HLA-DQB1: variants seen among roughly 807,000 people sequenced by gnomAD.
The protein encoded by HLA-DQB1 is HLA class II histocompatibility antigen, DQ beta 1 chain.
Under a neutral mutation model 26.4 loss-of-function variants are expected in HLA-DQB1, and 13 were observed. The observed-to-expected ratio is 0.49, with a 90% CI of 0.32 to 0.78. The LOEUF (loss-of-function observed/expected upper bound fraction) is 0.78. Ranked by LOEUF, HLA-DQB1 falls within the 30% of genes least tolerant of loss-of-function variation. The probability of loss-of-function intolerance (pLI) is 0.03; values close to 1 mark genes in which losing one functional copy is unlikely to be tolerated. For synonymous variants in HLA-DQB1, 60 were observed against 129.1 expected, an observed-to-expected ratio of 0.46 and a Z score of 3.63; for missense variants, 158 against 326.2, an observed-to-expected ratio of 0.48 and a Z score of 3.97.
chr6:32,665,500 CG>C (rs763936292), intron 1 of HLA-DQB1, among the ~76,000 whole-genome samples: 54,402 of 129,626 alleles, frequency 0.42, 15,313 homozygotes, highest in Middle Eastern at 0.6. Context: ...AGCCTGGCCT[CG>C]TTCTGACACG....
At position 32,664,929 on chromosome 6, in the gene HLA-DQB1, G is replaced by T. The variant is rs200780973; in HGVS notation, c.248C>A (p.Thr83Lys). The T allele has an allele frequency of 1.3e-5, 17 of 1,316,196 alleles. 2 individuals carry two copies. In the South Asian group the frequency reaches 1.9e-4, roughly 14 times the overall value. 81.5% of individuals were successfully genotyped at this position (1,316,196 alleles called of 1,614,324 possible). A position where few individuals can be genotyped will look rare whatever the true frequency, so the allele number is the denominator to read the frequency against. The change falls in exon 2 of 5, where the codon ACG becomes AAG. Residue 83 changes from threonine to lysine, a missense_variant. By Grantham distance (78) the Thr-to-Lys change is moderately conservative. Coordinates refer to ENST00000434651, the Ensembl canonical transcript of HLA-DQB1. ...CTCGGCATCAGGCCGCCCCTGCGGC[G>T]TCACCGCGCGGTACACCCCCACGTC...
Position 32,664,453 on chromosome 6 carries a change from G to A in HLA-DQB1, c.379+345C>T. ...CGAGGCCGGCGGGCAGGGGAAGAGG[G>A]TGGGCACTGGGGGCAGAGAGAACTG... On this transcript the variant is annotated intron_variant, in intron 2 of 4. Transcript: ENST00000434651. 1.4e-5 allele frequency: 2 copies of A among 140,274 alleles called. 1 individual carries two copies. The highest frequency in any genetic ancestry group is 1.9e-4 in the South Asian group (2 of 10,720). 8.7% of individuals were successfully genotyped at this position (140,274 alleles called of 1,614,324 possible).
At chr6:32,665,215 C>G (rs281861929) in intron 1 of HLA-DQB1, 148 bp from the exon 2 acceptor site, 2 of 474,212 alleles carry the variant, frequency 4.2e-6, no homozygotes, top group Non-Finnish European at 3.5e-6. Flanking sequence ...GGGATCCTCC[C>G]GGCGGCTCTG....
chr6:32,661,838 A>G (rs9273858), intron 3 of HLA-DQB1, 129 bp downstream of exon 3: 2 of 765,664 alleles, frequency 2.6e-6, no homozygotes, highest in East Asian at 5.0e-5. Flanking sequence ...CCATGGAGCA[A>G]GAGGTGCTCT....
intron 4 of HLA-DQB1, among the ~76,000 whole-genome samples, chr6:32,661,140 C>G (rs9273553): frequency 0.019 from 2,147 of 114,808 alleles, 218 homozygotes; most frequent in African/African-American, 0.056. Flanking sequence ...GGTAAGGATG[C>G]CCTGGAATAA....
exon 5 of HLA-DQB1, chr6:32,660,002 G>T: frequency 3.3e-6 from 1 of 306,836 alleles, no homozygotes; most frequent in Non-Finnish European, 6.1e-6. Flanking sequence ...TGGGACCTGA[G>T]TAGACGCAGC....
intron 4 of HLA-DQB1, 97 bp downstream of exon 4, chr6:32,661,250 A>G (rs41270893): frequency 0.067 from 33,608 of 503,926 alleles, 3,444 homozygotes; most frequent in Middle Eastern, 0.13. Context: ...ACTTCTTCTC[A>G]GGGTCAGGAG....
In HLA-DQB1 at chr6:32,660,253, G is replaced by A. The variant is rs9273471; in HGVS notation, c.773-4C>T. ...CTCAGGAGTCAGTGCAGAAGCCCTG[G>A]AGAAGAGAGAAGAGCATTGATCAGC... On this transcript the variant is annotated splice_region_variant and splice_polypyrimidine_tract_variant and intron_variant, in intron 4 of 4. Transcript: ENST00000434651. 0.033 allele frequency: 31,921 copies of A among 972,872 alleles called. 5,204 individuals carry two copies. Among genetic ancestry groups the A allele is most frequent in the Admixed American group, 0.14 (4,365 of 30,116 alleles). The allele number at this position is 972,872 out of a possible 1,614,324, so 60.3% of individuals were successfully genotyped here. A position where few individuals can be genotyped will look rare whatever the true frequency, so the allele number is the denominator to read the frequency against.
chr6:32,660,969 AG>A, intron 4 of HLA-DQB1: 22 of 723,782 alleles, frequency 3.0e-5, no homozygotes, highest in South Asian at 4.7e-5. Flanking sequence ...CATGACTTAG[AG>A]TTACATTCTC....
At chr6:32,661,741 A>G (rs139676734) in intron 3 of HLA-DQB1, 13,812 of 475,024 alleles carry the variant, frequency 0.029, 2,024 homozygotes, top group East Asian at 0.21. Flanking sequence ...CAGAGCTATC[A>G]GGACTGGGAT....
chr6:32,666,575 T>C, exon 1 of HLA-DQB1: 1 of 1,188,152 alleles, frequency 8.4e-7, no homozygotes, highest in Non-Finnish European at 1.2e-6. Context: ...CCCGAAGGTC[T>C]CCGGGGATCC....
rs281862216 is a variant in HLA-DQB1 at position 32,664,632 on chromosome 6, G to A, written c.379+166C>T. 7.2e-5 allele frequency: 21 copies of A among 290,780 alleles called. 3 individuals carry two copies. The highest frequency in any genetic ancestry group is 6.9e-4 in the Admixed American group (10 of 14,394). The allele number at this position is 290,780 out of a possible 1,614,324, so 18.0% of individuals were successfully genotyped here. On this transcript the variant is annotated intron_variant, in intron 2 of 4. Coordinates refer to ENST00000434651, the Ensembl canonical transcript of HLA-DQB1. The stretch of plus-strand genomic sequence containing the variant: ...TCCCCCTGCTCTGCCCTAGGTCCCC[G>A]CCCCTCCGATGCACCTGCCCCCACC...
intron 1 of HLA-DQB1, 99 bp downstream of exon 1, chr6:32,666,400 T>G (rs281860934): frequency 2.2e-6 from 1 of 461,824 alleles, no homozygotes; most frequent in Non-Finnish European, 3.8e-6. Context: ...GATGAAAGAT[T>G]GTGTCCAAGA....
At chr6:32,661,908 G>C in intron 3 of HLA-DQB1, 59 bp downstream of exon 3, 1 of 1,138,290 alleles carries the variant, frequency 8.8e-7, no homozygotes, top group East Asian at 2.5e-5. Context: ...GAAGGAATGG[G>C]TCAGAAGGAG....
At chr6:32,660,199 G>C (rs1063345) in exon 5 of HLA-DQB1, 2 of 813,786 alleles carry the variant, frequency 2.5e-6, no homozygotes, top group Non-Finnish European at 3.6e-6. Context: ...CATCACAGAA[G>C]AGTGATAACC....
intron 1 of HLA-DQB1, among the ~76,000 whole-genome samples, 162 bp downstream of exon 1, chr6:32,666,337 A>G (rs281860995): frequency 1.3e-5 from 2 of 151,490 alleles, no homozygotes; most frequent in East Asian, 3.9e-4. Context: ...CTCATCACTA[A>G]AAGATAAATG....
At chr6:32,661,847 C>T (rs281864223) in intron 3 of HLA-DQB1, 120 bp downstream of exon 3, 1 of 827,396 alleles carries the variant, frequency 1.2e-6, no homozygotes, top group Non-Finnish European at 1.9e-6. Context: ...AAGAGGTGCT[C>T]TAGTCTCCTG....
At chr6:32,665,911 A>C (rs281861328) in intron 1 of HLA-DQB1, among the ~76,000 whole-genome samples, 1 of 87,022 alleles carries the variant, frequency 1.1e-5, no homozygotes, top group Non-Finnish European at 2.5e-5. Flanking sequence ...GTCCACCATT[A>C]ACTCGGGTCT....
At chr6:32,666,645 G>A in exon 1 of HLA-DQB1, 2 of 791,048 alleles carry the variant, frequency 2.5e-6, no homozygotes, top group East Asian at 3.0e-5. Flanking sequence ...AGTCAACACA[G>A]CTCGGACCTG....
Sources: allele counts gnomAD v4.1 joint callset (sites outside exome capture counted in the v4.1 genomes callset), GRCh38; gene constraint gnomAD v4.1.1; transcripts MANE v1.5; gene names NCBI Gene and HGNC (gene_info 2026-07-23, HGNC 2026-07-21).